DST: variants seen among roughly 807,000 people sequenced by gnomAD.
The protein encoded by DST is bullous pemphigoid antigen.
A neutral mutation model predicts 875.2 loss-of-function variants in DST; 253 were observed. The observed-to-expected ratio is 0.29, with a 90% CI of 0.26 to 0.32. The LOEUF (loss-of-function observed/expected upper bound fraction) is 0.32. Ranked by LOEUF, DST falls within the 10% of genes least tolerant of loss-of-function variation. The pLI is 1.00. For missense variants in DST, 8,287 were observed against 9,111.6 expected (o/e 0.91, Z 3.68); for synonymous variants, 3,124 against 3,197.1 (o/e 0.98, Z 0.77).
chr6:56,507,403 T>C (rs376451394), intron 75 of DST, among the ~76,000 whole-genome samples: 1 of 152,220 alleles, frequency 6.6e-6, no homozygotes, highest in Non-Finnish European at 1.5e-5. Context: ...GATATGGCTA[T>C]TCCCCTCAAG....
intron 82 of DST, among the ~76,000 whole-genome samples, chr6:56,495,404 C>T (rs528327168): frequency 9.2e-5 from 14 of 151,864 alleles, no homozygotes; most frequent in South Asian, 2.1e-4. Context: ...AAACTCAGTT[C>T]GCTGAAATGG....
chr6:56,603,990 A>T lies in DST; in HGVS notation c.10638T>A (p.Thr3546=). Residue 3546 remains threonine (T), a synonymous_variant, in exon 40 of 104, where the codon ACT becomes ACA. Coordinates refer to ENST00000680361, the MANE Select transcript of DST (RefSeq NM_001374736.1). Reference sequence around the variant, plus strand: ...AGCTTTCTAGTCCAATTTCTTTTACAGTTTCTAAATTAGGAGAATAGTAGT... The same window carrying T: ...AGCTTTCTAGTCCAATTTCTTTTACTGTTTCTAAATTAGGAGAATAGTAGT... ...EGNYYSPNLE[T]VKEIGLESST... is the part of the protein sequence containing the mutation. 1 of 1,607,918 alleles carries T rather than the reference A, an allele frequency of 6.2e-7. No individual in the cohort carries two copies. The highest frequency in any genetic ancestry group is 1.3e-5 in the African/African-American group (1 of 74,942).
chr6:56,922,686 C>T (rs539468633), intron 2 of DST, among the ~76,000 whole-genome samples: 26 of 152,260 alleles, frequency 1.7e-4, no homozygotes, highest in South Asian at 8.3e-4. Flanking sequence ...TATCCTCCTT[C>T]CAGCTGCATG....
intron 3 of DST, among the ~76,000 whole-genome samples, chr6:56,852,853 C>T (rs114312686): frequency 0.015 from 2,343 of 152,280 alleles, 51 homozygotes; most frequent in African/African-American, 0.049. Flanking sequence ...TGAGCAAAAA[C>T]ACTGGGCTTC....
chr6:56,620,621 C>T (rs1469821568), intron 36 of DST: 1 of 1,614,102 alleles, frequency 6.2e-7, no homozygotes, highest in Non-Finnish European at 8.5e-7. Context: ...ACTTATCTTT[C>T]CTGTAAGTTT....
rs144013177 is a variant in DST at position 56,606,287 on chromosome 6, C to T, written c.8341G>A (p.Asp2781Asn). The T allele has an allele frequency of 1.6e-5, 26 of 1,592,036 alleles. No individual in the cohort carries two copies. The highest frequency in any genetic ancestry group is 9.0e-5 in the South Asian group (8 of 88,654). ...TGCATAGAATCTAAATGATCAGTAT[C>T]GGAGTGAAATTCCTGTCCAGTTACA... Reference protein sequence around the residue: ...EYVTGQEFHSDTDHLDSMQSE... With the variant: ...EYVTGQEFHSNTDHLDSMQSE... Residue 2781 changes from aspartate (D) to asparagine (N), a missense_variant, in exon 40 of 104, where the codon GAT becomes AAT. Physicochemically the swap from Asp to Asn is conservative, Grantham distance 23 (BLOSUM62 1). Transcript: ENST00000680361.
chr6:56,470,060 T>C, intron 96 of DST, 68 bp downstream of exon 96: 1 of 1,603,636 alleles, frequency 6.2e-7, no homozygotes, highest in Non-Finnish European at 8.5e-7. Flanking sequence ...AATGGTTGTA[T>C]GAATTGTGCA....
chr6:56,566,431 G>A lies in DST; in HGVS notation c.14005+2038C>T, dbSNP rs150664018. Among the ~76,000 whole-genome samples, 1,330 of 152,234 alleles carry A rather than the reference G, an allele frequency of 8.7e-3. 19 individuals are homozygous for A. Among genetic ancestry groups the A allele is most frequent in the African/African-American group, 0.03 (1,250 of 41,530 alleles). ...ATTCCTCATGGCACAGTCCCTCACA[G>A]CTTCCCTTGGCTAGGCAGGGAAGTT... On this transcript the variant is annotated intron_variant, in intron 55 of 103. Transcript: ENST00000680361.
rs1203656416 is a variant in DST, at chr6:56,917,009, A to AAAAAAC, written c.217-16389_217-16388insGTTTTT. ...TGCTAAAAAAAAAAAAAAAAAAAAA[A>AAAAAAC]AAAAAAAAGACAGGCAGAGGCTCCT... is the stretch of plus-strand genomic sequence containing the variant. On this transcript the variant is annotated intron_variant, in intron 2 of 103. Transcript: ENST00000680361. Among the ~76,000 whole-genome samples the AAAAAAC allele has an allele frequency of 5.1e-3, 512 of 99,898 alleles. 12 individuals are homozygous for AAAAAAC. Among genetic ancestry groups the AAAAAAC allele is most frequent in the African/African-American group, 0.019 (482 of 25,206 alleles). The allele number at this position is 99,898 out of a possible 152,430, so 65.5% of individuals were successfully genotyped here.
intron 49 of DST, among the ~76,000 whole-genome samples, 190 bp from the exon 50 acceptor site, chr6:56,579,127 C>G (rs1286435502): frequency 1.3e-5 from 2 of 152,232 alleles, no homozygotes; most frequent in East Asian, 3.8e-4. Flanking sequence ...TTAGCAAAAG[C>G]ATCAGCCAGT....
chr6:56,787,272 A>G (rs923274129), intron 4 of DST, among the ~76,000 whole-genome samples: 18 of 152,218 alleles, frequency 1.2e-4, no homozygotes, highest in Admixed American at 3.3e-4. Context: ...AATGGAATGA[A>G]TAATATTCTA....
chr6:56,534,350 T>C (rs1469505139), intron 63 of DST, among the ~76,000 whole-genome samples: 5 of 152,162 alleles, frequency 3.3e-5, no homozygotes, highest in Non-Finnish European at 7.4e-5. Context: ...TCTCAAGTCA[T>C]GGCTGGCTGA....
At chr6:56,496,655 T>A (rs532657236) in intron 82 of DST, among the ~76,000 whole-genome samples, 11 of 152,098 alleles carry the variant, frequency 7.2e-5, no homozygotes, top group Non-Finnish European at 1.5e-4. Flanking sequence ...CCATACAGGC[T>A]TATTTTGTGG....
rs1253680080 is a variant in DST, at chr6:56,515,558, T to G, written c.18468A>C (p.Thr6156=). The G allele has an allele frequency of 6.2e-7, 1 of 1,613,966 alleles. No individual in the cohort carries two copies. Among genetic ancestry groups the G allele is most frequent in the South Asian group, 1.1e-5 (1 of 91,086 alleles). ...AQSLVNQFWE[T]YEELWPWLTE... ...TCAGCCATGGCCAAAGTTCTTCATA[T>G]GTTTCCCAGAATTGGTTAACCAGGG... The change falls in exon 72 of 104, where the codon ACA becomes ACC. Residue 6156 remains threonine, a synonymous_variant. Transcript: ENST00000680361.
In DST at chr6:56,511,385, T is replaced by C. The variant is rs1324863092; in HGVS notation, c.18592A>G (p.Ile6198Val). The C allele has an allele frequency of 6.2e-7, 1 of 1,604,590 alleles. No individual in the cohort carries two copies. The highest frequency in any genetic ancestry group is 2.2e-5 in the East Asian group (1 of 44,650). Reference protein sequence around the residue: ...QEEHRQLRELIAEHKPHIDKM... With the variant: ...QEEHRQLRELVAEHKPHIDKM... ...TCTATATGAGGCTTGTGTTCAGCTA[T>C]CAACTCACGCAGTTGCTATAACAAA... is the stretch of plus-strand genomic sequence containing the variant. Residue 6198 changes from isoleucine (I) to valine (V), a missense_variant, in exon 73 of 104, where the codon ATA becomes GTA. Ile to Val is a conservative substitution (Grantham distance 29, BLOSUM62 3). Around this residue, in one of 10 missense-constraint regions of DST, gnomAD observed 1,292 missense variants for 1,552.7 expected, o/e 0.83. Transcript: ENST00000680361.
intron 4 of DST, among the ~76,000 whole-genome samples, chr6:56,806,370 G>A (rs1190390419): frequency 6.6e-6 from 1 of 152,182 alleles, no homozygotes; most frequent in African/African-American, 2.4e-5. Flanking sequence ...TTAAGACAGT[G>A]ACATACAAAA....
intron 73 of DST, among the ~76,000 whole-genome samples, chr6:56,510,308 C>T (rs2096447112): frequency 6.6e-6 from 1 of 152,058 alleles, no homozygotes; most frequent in Non-Finnish European, 1.5e-5. Flanking sequence ...ACTATTATGG[C>T]ATCCTGAAAA....
intron 36 of DST, chr6:56,615,575 A>G: frequency 6.2e-7 from 1 of 1,614,156 alleles, no homozygotes; most frequent in East Asian, 2.2e-5. Context: ...TACTTCTAAC[A>G]GTTTAAGTCC....
chr6:56,723,446 C>A (rs532345373), intron 5 of DST, among the ~76,000 whole-genome samples: 138 of 152,228 alleles, frequency 9.1e-4, no homozygotes, highest in Non-Finnish European at 1.6e-4. Flanking sequence ...TGCTTGTAAT[C>A]CCAGCTACTC....
Sources: gnomAD v4.1 joint callset for allele counts (sites outside exome capture counted in the v4.1 genomes callset) on GRCh38, gnomAD v4.1.1 for gene constraint, gnomAD v4.1.1 regional missense constraint, MANE v1.5 for transcripts, NCBI Gene and HGNC (gene_info 2026-07-23, HGNC 2026-07-21) for gene names.